DNAH6: variants seen among roughly 807,000 people sequenced by gnomAD.
The protein encoded by DNAH6 is axonemal beta dynein heavy chain 6.
In DNAH6, 340 loss-of-function variants were observed where a neutral mutation model predicts 491.4. The ratio of observed to expected loss-of-function variants is 0.69; its 90% confidence interval spans 0.63 to 0.76. The LOEUF (loss-of-function observed/expected upper bound fraction) is 0.76, where lower values mean the gene tolerates loss of function less well. Among genes scored for constraint, DNAH6 ranks in the 30% least tolerant of loss-of-function variants. The probability of loss-of-function intolerance (pLI) is 0.00; values close to 1 mark genes in which losing one functional copy is unlikely to be tolerated. For missense variants in DNAH6, 4,443 were observed against 4,972.2 expected, an observed-to-expected ratio of 0.89 and a Z score of 3.20; for synonymous variants, 1,603 against 1,686.1, an observed-to-expected ratio of 0.95 and a Z score of 1.21.
chr2:84,761,448 A>G (rs1490156184), intron 63 of DNAH6, among the ~76,000 whole-genome samples: 1 of 152,188 alleles, frequency 6.6e-6, no homozygotes, highest in Non-Finnish European at 1.5e-5. Context: ...ACATGTAACA[A>G]AATTACTTTT....
Position 84,529,240 on chromosome 2 carries a change from G to A in DNAH6, c.662+74G>A, listed in dbSNP as rs1676921826. The stretch of plus-strand genomic sequence containing the variant: ...TTTCACATATTATTTATAATTGATT[G>A]GATATTAATAATAACAATATCAAAT... On this transcript the variant is annotated intron_variant, in intron 4 of 76. Transcript: ENST00000389394. 4 of 1,093,026 alleles carry A rather than the reference G, an allele frequency of 3.7e-6. No homozygotes were observed. The South Asian group carries it at 5.5e-5, about 15-fold the overall frequency. 67.7% of individuals were successfully genotyped at this position (1,093,026 alleles called of 1,614,324 possible). A position where few individuals can be genotyped will look rare whatever the true frequency, so the allele number is the denominator to read the frequency against.
At chr2:84,556,327 G>A (rs1319256501) in intron 10 of DNAH6, among the ~76,000 whole-genome samples, 1 of 151,358 alleles carries the variant, frequency 6.6e-6, no homozygotes, top group Non-Finnish European at 1.5e-5. Context: ...TCATGCACAA[G>A]GCCTTTCATG....
chr2:84,498,404 T>C, the DNAH6 span, among the ~76,000 whole-genome samples: 1 of 152,200 alleles, frequency 6.6e-6, no homozygotes, highest in Non-Finnish European at 1.5e-5. Context: ...TTGGTGTGCA[T>C]AAAGCCCTAG....
rs756713059 is a variant in DNAH6 at position 84,573,590 on chromosome 2, A to T, written c.1924+3A>T. ...AGCTCTTAAACTTCAGGAACCTGGT[A>T]ACTTGTCCATTTGTACTTACTAATT... is the stretch of plus-strand genomic sequence containing the variant. On this transcript the variant is annotated splice_donor_region_variant and intron_variant, in intron 12 of 76. Transcript: ENST00000389394. 76 of 1,562,510 alleles carry T rather than the reference A, an allele frequency of 4.9e-5. No individual in the cohort carries two copies. The highest frequency in any genetic ancestry group is 6.5e-5 in the Non-Finnish European group (76 of 1,165,196).
chr2:84,763,690 C>T (rs1476840614), intron 64 of DNAH6, among the ~76,000 whole-genome samples: 4 of 149,234 alleles, frequency 2.7e-5, no homozygotes, highest in African/African-American at 7.4e-5. Context: ...AGTCAGCAGT[C>T]TCCAGAGAAA....
At chr2:84,697,541 A>C in intron 46 of DNAH6, 34 bp from the exon 47 acceptor site, 1 of 1,504,642 alleles carries the variant, frequency 6.6e-7, no homozygotes, top group African/African-American at 1.4e-5. Context: ...AAAATGATTG[A>C]GCAAGTTGTA....
rs182872471 is a variant in DNAH6, at chr2:84,745,322, A to G, written c.10512+73A>G. 647 of 1,166,208 alleles carry G rather than the reference A, an allele frequency of 5.5e-4. 3 individuals are homozygous for G. In the African/African-American group the frequency reaches 9.7e-3, roughly 17 times the overall value. 72.2% of individuals were successfully genotyped at this position (1,166,208 alleles called of 1,614,324 possible). ...AAAGCTCACTAGCCAGTTATGATTTATAAATTTATTTGAGAGTAACAATGG... is the reference window on the plus strand; with the variant it reads ...AAAGCTCACTAGCCAGTTATGATTTGTAAATTTATTTGAGAGTAACAATGG... On this transcript the variant is annotated intron_variant, in intron 63 of 76. Transcript: ENST00000389394.
Position 84,557,935 on chromosome 2 carries a change from G to A in DNAH6, c.1803G>A (p.Lys601=), listed in dbSNP as rs1422105638. The change falls in exon 11 of 77, where the codon AAG becomes AAA. Residue 601 remains lysine (K), a splice_region_variant and synonymous_variant. Coordinates refer to ENST00000389394, the MANE Select transcript of DNAH6 (RefSeq NM_001370.2). ...KNFHTIISQI[K]ETIQAAFESA... is the part of the protein sequence containing the mutation. ...TTCACACAATTATTTCTCAAATAAA[G>A]GTATGTTTACTCTGACTAAAACTAT... The A allele has an allele frequency of 3.1e-6, 5 of 1,592,664 alleles. No individual in the cohort carries two copies. The highest frequency in any genetic ancestry group is 1.7e-5 in the Admixed American group (1 of 59,884).
intron 11 of DNAH6, among the ~76,000 whole-genome samples, chr2:84,560,237 T>C (rs977652227): frequency 6.6e-6 from 1 of 152,094 alleles, no homozygotes; most frequent in African/African-American, 2.4e-5. Context: ...TTTAAAATTA[T>C]TAGATTTTAA....
intron 56 of DNAH6, 99 bp downstream of exon 56, chr2:84,710,511 T>C (rs1696935686): frequency 8.3e-7 from 1 of 1,205,226 alleles, no homozygotes; most frequent in African/African-American, 1.5e-5. Context: ...AAGACACCAG[T>C]CAACTCCATT....
chr2:84,663,317 A>G (rs1007198885), intron 37 of DNAH6, among the ~76,000 whole-genome samples: 2 of 152,190 alleles, frequency 1.3e-5, no homozygotes, highest in African/African-American at 4.8e-5. Context: ...AGGATGTTCA[A>G]ACCCATCACA....
Position 84,616,867 on chromosome 2 carries a change from ATT to A in DNAH6, c.3476-11_3476-10del. 2.4e-6 allele frequency: 3 copies of A among 1,265,160 alleles called. No homozygotes were observed. The highest frequency in any genetic ancestry group is 2.1e-6 in the Non-Finnish European group (2 of 954,252). 78.4% of individuals were successfully genotyped at this position (1,265,160 alleles called of 1,614,324 possible). On this transcript the variant is annotated splice_polypyrimidine_tract_variant and intron_variant, in intron 22 of 76. Transcript: ENST00000389394. Reference sequence around the variant, plus strand: ...ATTTTAACACAGTTTTACCAATACTATTTTTTTTTAATGAACAGGACTTCTGG... The same window carrying A: ...ATTTTAACACAGTTTTACCAATACTATTTTTTTAATGAACAGGACTTCTGG...
At chr2:84,607,859 T>C (rs1354855898) in intron 21 of DNAH6, among the ~76,000 whole-genome samples, 1 of 152,174 alleles carries the variant, frequency 6.6e-6, no homozygotes. Context: ...GTTTGCCACA[T>C]TCATCGACTC....
intron 15 of DNAH6, among the ~76,000 whole-genome samples, chr2:84,585,103 C>A (rs1016851451): frequency 6.6e-6 from 1 of 152,166 alleles, no homozygotes; most frequent in African/African-American, 2.4e-5. Flanking sequence ...ATTTCTCAAG[C>A]AGTGTTCGAA....
intron 33 of DNAH6, among the ~76,000 whole-genome samples, chr2:84,645,634 T>C (rs1266118084): frequency 1.3e-5 from 2 of 152,196 alleles, no homozygotes; most frequent in Non-Finnish European, 2.9e-5. Context: ...TTTGTTTAAG[T>C]TCCTTATAGA....
chr2:84,804,496 A>G (rs574881832), intron 70 of DNAH6, among the ~76,000 whole-genome samples: 88 of 152,230 alleles, frequency 5.8e-4, no homozygotes, highest in Admixed American at 5.8e-3. Flanking sequence ...AGTTTATTTA[A>G]TTAAATATTA....
chr2:84,626,004 C>A (rs1346966278), intron 29 of DNAH6, among the ~76,000 whole-genome samples: 1 of 152,134 alleles, frequency 6.6e-6, no homozygotes, highest in Non-Finnish European at 1.5e-5. Flanking sequence ...AAAACTTAAA[C>A]CATATACACA....
chr2:84,498,106 A>C, the DNAH6 span, among the ~76,000 whole-genome samples: 1 of 152,208 alleles, frequency 6.6e-6, no homozygotes, highest in Admixed American at 6.5e-5. Flanking sequence ...CAGAAAACCA[A>C]ACAACTTGTC....
intron 22 of DNAH6, among the ~76,000 whole-genome samples, chr2:84,612,498 C>T (rs1409840696): frequency 6.6e-6 from 1 of 152,144 alleles, no homozygotes; most frequent in Non-Finnish European, 1.5e-5. Context: ...CCTCAGACAG[C>T]TTCCCTGAAG....
Sources: allele counts gnomAD v4.1 joint callset (sites outside exome capture counted in the v4.1 genomes callset), GRCh38; gene constraint gnomAD v4.1.1; transcripts MANE v1.5; gene names NCBI Gene and HGNC (gene_info 2026-07-23, HGNC 2026-07-21).